The following ARMH1 variants were observed in gnomAD, a reference collection of about 807,000 sequenced individuals.
ARMH1 encodes the protein armadillo like helical domain containing 1.
ARMH1 carries 34 observed loss-of-function variants against 50.2 expected under a neutral mutation model. The ratio of observed to expected loss-of-function variants is 0.68; its 90% CI spans 0.51 to 0.90. The LOEUF is 0.90. ARMH1 is among the 40% of genes least tolerant of loss of function. ARMH1 has a pLI of 0.00. For synonymous variants in ARMH1, 221 were observed against 224.2 expected (o/e 0.99, Z 0.13); for missense variants, 538 against 553.9 (o/e 0.97, Z 0.29).
chr1:44,688,382 A>G (rs1470993997), intron 1 of ARMH1: 2 of 152,254 alleles, frequency 1.3e-5, no homozygotes, highest in East Asian at 3.8e-4. Flanking sequence ...TAAAATTCTG[A>G]TAGCTGGGCC....
Position 44,689,842 on chromosome 1 carries a change from C to G in ARMH1, c.145C>G (p.Gln49Glu). The change falls in exon 2 of 12, where the codon CAG (glutamine) becomes GAG (glutamate). Residue 49 changes from glutamine to glutamate, a missense_variant. Physicochemically the swap from Gln to Glu is conservative, Grantham distance 29. Coordinates refer to ENST00000535358, the MANE Select transcript of ARMH1 (RefSeq NM_001145636.2). ...AGGCAAGACTGCCCCTGAACTGGAG[C>G]AGGAGTTTTCCCAGGGAGCCAGTTT... The part of the protein sequence containing the change: ...NQGKTAPELE[Q>E]EFSQGASLFL... 3 of 1,551,484 alleles carry G rather than the reference C, an allele frequency of 1.9e-6. No homozygotes were observed. The highest frequency in any genetic ancestry group is 2.6e-6 in the Non-Finnish European group (3 of 1,146,982).
chr1:44,700,707 C>G (rs1419526183), intron 4 of ARMH1, among the ~76,000 whole-genome samples: 1 of 150,072 alleles, frequency 6.7e-6, no homozygotes, highest in East Asian at 2.0e-4. Flanking sequence ...AACTTTAAAA[C>G]AGATTTTGAC....
At position 44,724,566 on chromosome 1, in the gene ARMH1, C is replaced by T; in HGVS notation, c.948C>T (p.Ile316=). 6.6e-7 allele frequency: 1 copy of T among 1,514,774 alleles called. No homozygotes were observed. Among genetic ancestry groups the T allele is most frequent in the Non-Finnish European group, 8.8e-7 (1 of 1,134,144 alleles). The allele number at this position is 1,514,774 out of a possible 1,614,324, so 93.8% of individuals were successfully genotyped here. A position where few individuals can be genotyped will look rare whatever the true frequency, so the allele number is the denominator to read the frequency against. ...IGVLARNDMS[I]AEELLYLRVV... The stretch of plus-strand genomic sequence containing the variant: ...TCCTGGCGCGCAACGACATGAGCAT[C>T]GCCGAGGAGCTGCTGTACCTGCGCG... The change falls in exon 9 of 12, where the codon ATC becomes ATT. Residue 316 remains isoleucine, a synonymous_variant. Transcript: ENST00000535358. The surrounding 1 kb of genome is among the most constrained non-coding windows in gnomAD (Gnocchi z 6.4).
At chr1:44,701,583 G>A (rs933472517) in intron 5 of ARMH1, among the ~76,000 whole-genome samples, 6 of 151,798 alleles carry the variant, frequency 4.0e-5, no homozygotes, top group African/African-American at 9.7e-5. Flanking sequence ...GTGAGCATAC[G>A]AAGACATCGT....
At chr1:44,721,682 C>G (rs929552913) in intron 6 of ARMH1, 11 of 151,996 alleles carry the variant, frequency 7.2e-5, no homozygotes, top group African/African-American at 2.7e-4. Context: ...TGAGCCGCGA[C>G]CACACCACTC....
At position 44,682,415 on chromosome 1, in the gene ARMH1, T is replaced by C. The variant is rs1267090400; in HGVS notation, c.-22-7261T>C. Among the ~76,000 whole-genome samples the C allele has an allele frequency of 1.3e-5, 2 of 151,664 alleles. No homozygotes were observed. The highest frequency in any genetic ancestry group is 2.9e-5 in the Non-Finnish European group (2 of 67,916). On this transcript the variant is annotated intron_variant, in intron 1 of 11. Coordinates refer to ENST00000535358, the MANE Select transcript of ARMH1 (RefSeq NM_001145636.2). This position sits in a 1 kb window ranked among gnomAD's most constrained non-coding sequence, Gnocchi z 4.5. ...ACAGTAGTAGGGATTTAGAGAATGG[T>C]GTTTGAGGTGTAGGATAGTGGGCAG...
intron 6 of ARMH1, among the ~76,000 whole-genome samples, chr1:44,711,200 G>A (rs1011450046): frequency 6.6e-6 from 1 of 152,166 alleles, no homozygotes; most frequent in Non-Finnish European, 1.5e-5. Context: ...GTTCTTTGGG[G>A]TATATTACCT....
chr1:44,706,278 G>T (rs1457974119), intron 6 of ARMH1, among the ~76,000 whole-genome samples: 1 of 152,182 alleles, frequency 6.6e-6, no homozygotes, highest in Non-Finnish European at 1.5e-5. Context: ...GCCCAGCTGG[G>T]TACATAGCCC....
intron 5 of ARMH1, among the ~76,000 whole-genome samples, chr1:44,701,492 C>CTT (rs112588701): frequency 3.4e-5 from 5 of 145,692 alleles, no homozygotes; most frequent in African/African-American, 1.0e-4. Context: ...CTGGGGAAGG[C>CTT]TTTTTTTTTT....
chr1:44,689,942 G>C (rs779697673), intron 2 of ARMH1, 39 bp downstream of exon 2: 2 of 1,527,556 alleles, frequency 1.3e-6, no homozygotes, highest in Admixed American at 2.0e-5. Flanking sequence ...ATTAGGCACC[G>C]GGCACGGTGG....
intron 6 of ARMH1, chr1:44,721,758 C>CA (rs1647191290): frequency 6.6e-6 from 1 of 152,180 alleles, no homozygotes; most frequent in Non-Finnish European, 1.5e-5. Context: ...ACCCCACCCA[C>CA]ACGTCTCTCT....
chr1:44,720,238 C>A (rs1050471949), intron 6 of ARMH1, among the ~76,000 whole-genome samples: 1 of 147,508 alleles, frequency 6.8e-6, no homozygotes. Context: ...ATGGGGTATA[C>A]GGGGAGACAG....
chr1:44,680,100 G>A (rs188920822), intron 1 of ARMH1, among the ~76,000 whole-genome samples: 1 of 152,370 alleles, frequency 6.6e-6, no homozygotes. Context: ...GGAAGGGCCT[G>A]GGGAGTTGAG....
Position 44,689,837 on chromosome 1 carries a change from T to C in ARMH1, c.140T>C (p.Leu47Pro), listed in dbSNP as rs766802737. The change falls in exon 2 of 12, where the codon CTG becomes CCG. Residue 47 changes from leucine to proline, a missense_variant. Physicochemically the swap from Leu to Pro is moderately conservative, Grantham distance 98 (BLOSUM62 -3). Coordinates refer to ENST00000535358, the MANE Select transcript of ARMH1 (RefSeq NM_001145636.2). ...AACCAAGGCAAGACTGCCCCTGAAC[T>C]GGAGCAGGAGTTTTCCCAGGGAGCC... ...ETNQGKTAPE[L>P]EQEFSQGASL... 1 of 1,551,470 alleles carries C rather than the reference T, an allele frequency of 6.4e-7. No homozygotes were observed. The highest frequency in any genetic ancestry group is 2.4e-5 in the East Asian group (1 of 40,912).
At chr1:44,721,524 AT>A (rs1647130964) in intron 6 of ARMH1, among the ~76,000 whole-genome samples, 3 of 151,810 alleles carry the variant, frequency 2.0e-5, no homozygotes, top group African/African-American at 7.3e-5. Flanking sequence ...AAAAAAAAAA[AT>A]CTTATAAACA....
intron 4 of ARMH1, among the ~76,000 whole-genome samples, chr1:44,699,035 C>A (rs1265273129): frequency 4.6e-5 from 7 of 151,884 alleles, no homozygotes; most frequent in Non-Finnish European, 8.8e-5. Context: ...GTAATCCCAG[C>A]ACTTTGGGAG....
chr1:44,714,822 T>A (rs181722328), intron 6 of ARMH1, among the ~76,000 whole-genome samples: 187 of 152,032 alleles, frequency 1.2e-3, no homozygotes, highest in African/African-American at 3.8e-3. Context: ...ATTTTTTTTT[T>A]AATTCTTTTT....
At chr1:44,711,667 C>T (rs1033970562) in intron 6 of ARMH1, among the ~76,000 whole-genome samples, 1 of 151,992 alleles carries the variant, frequency 6.6e-6, no homozygotes, top group African/African-American at 2.4e-5. Context: ...CTCATTTATT[C>T]ATTTACTTAT....
chr1:44,678,627 G>A (rs989685645), intron 1 of ARMH1, among the ~76,000 whole-genome samples: 1 of 152,108 alleles, frequency 6.6e-6, no homozygotes, highest in Admixed American at 6.5e-5. Flanking sequence ...TAGGAGTCAG[G>A]GACGGGAGCC....
Sources: gnomAD v4.1 joint callset for allele counts (sites outside exome capture counted in the v4.1 genomes callset) on GRCh38, gnomAD v4.1.1 for gene constraint, Gnocchi (gnomAD v3.1) non-coding constraint, MANE v1.5 for transcripts, NCBI Gene and HGNC (gene_info 2026-07-23, HGNC 2026-07-21) for gene names.